NUBPL: variants seen among roughly 807,000 people sequenced by gnomAD.
NUBPL encodes the protein NUBP iron-sulfur cluster assembly factor, mitochondrial, also known as iron-sulfur cluster transfer protein NUBPL.
A neutral mutation model predicts 45.7 loss-of-function variants in NUBPL; 31 were observed. The observed-to-expected ratio is 0.68, with a 90% CI of 0.51 to 0.92. The LOEUF is 0.92. Ranked by LOEUF, NUBPL falls within the 40% of genes least tolerant of loss-of-function variation. The probability of loss-of-function intolerance (pLI) is 0.00; values close to 1 mark genes in which losing one functional copy is unlikely to be tolerated. For synonymous variants in NUBPL, 144 were observed against 140.9 expected (o/e 1.02, Z -0.15); for missense variants, 401 against 398.7 (o/e 1.01, Z -0.05).
intron 4 of NUBPL, among the ~76,000 whole-genome samples, chr14:31,636,316 G>T (rs1031934062): frequency 2.6e-5 from 4 of 151,814 alleles, no homozygotes; most frequent in African/African-American, 7.3e-5. Flanking sequence ...GTTGAATTTT[G>T]TCAAAGGCCT....
chr14:31,808,838 T>C (rs1332628883), intron 7 of NUBPL, among the ~76,000 whole-genome samples: 1 of 152,208 alleles, frequency 6.6e-6, no homozygotes, highest in African/African-American at 2.4e-5. Context: ...GGCTGTTGAA[T>C]TTTGTCAAAG....
At chr14:31,717,194 C>A (rs1566520403) in intron 6 of NUBPL, among the ~76,000 whole-genome samples, 1 of 152,130 alleles carries the variant, frequency 6.6e-6, no homozygotes, top group Non-Finnish European at 1.5e-5. Flanking sequence ...CTGTCTTAAG[C>A]AGTTTGATAT....
At chr14:31,826,815 G>T in intron 8 of NUBPL, 101 bp downstream of exon 8, 1 of 1,041,406 alleles carries the variant, frequency 9.6e-7, no homozygotes, top group Non-Finnish European at 1.5e-6. Context: ...GTCCTGTACA[G>T]AAGTCTTTAT....
At chr14:31,619,783 A>C (rs2035010434) in intron 4 of NUBPL, among the ~76,000 whole-genome samples, 1 of 151,712 alleles carries the variant, frequency 6.6e-6, no homozygotes, top group South Asian at 2.1e-4. Context: ...CTTTTCGAGG[A>C]GTGTGTTTTT....
intron 7 of NUBPL, among the ~76,000 whole-genome samples, chr14:31,816,242 T>G (rs1234085531): frequency 6.6e-6 from 1 of 152,216 alleles, no homozygotes; most frequent in African/African-American, 2.4e-5. Flanking sequence ...TTCAACTTTT[T>G]CCTGATTTAG....
At chr14:31,572,377 G>A (rs939941337) in intron 3 of NUBPL, among the ~76,000 whole-genome samples, 2 of 152,056 alleles carry the variant, frequency 1.3e-5, no homozygotes, top group African/African-American at 4.8e-5. Flanking sequence ...CTGACCTCAT[G>A]ATCCGCCTGC....
intron 6 of NUBPL, among the ~76,000 whole-genome samples, chr14:31,704,274 G>A (rs150583161): frequency 3.3e-5 from 5 of 152,192 alleles, no homozygotes; most frequent in East Asian, 1.9e-4. Flanking sequence ...ACATTCTAGG[G>A]GTCCCCTTTA....
chr14:31,829,015 G>A (rs1595686694), intron 8 of NUBPL, among the ~76,000 whole-genome samples: 1 of 152,328 alleles, frequency 6.6e-6, no homozygotes, highest in South Asian at 2.1e-4. Context: ...AAGGCTCATA[G>A]GACTACTTCA....
chr14:31,798,121 G>T (rs1272746639), intron 7 of NUBPL, among the ~76,000 whole-genome samples: 1 of 151,942 alleles, frequency 6.6e-6, no homozygotes, highest in Non-Finnish European at 1.5e-5. Context: ...GTCTGATGTT[G>T]TGCCCCCTTA....
intron 6 of NUBPL, among the ~76,000 whole-genome samples, chr14:31,710,489 C>G (rs895733007): frequency 4.6e-5 from 7 of 152,056 alleles, no homozygotes; most frequent in African/African-American, 9.7e-5. Flanking sequence ...ATTTAGTGAC[C>G]CTTACTGACG....
intron 4 of NUBPL, among the ~76,000 whole-genome samples, chr14:31,636,637 A>G (rs947073036): frequency 5.4e-4 from 82 of 152,200 alleles, no homozygotes; most frequent in Non-Finnish European, 2.5e-4. Flanking sequence ...CTCTTTTTCT[A>G]TTGATTGGAA....
chr14:31,696,961 T>C (rs1422142558), intron 6 of NUBPL, among the ~76,000 whole-genome samples: 3 of 152,172 alleles, frequency 2.0e-5, no homozygotes, highest in Non-Finnish European at 4.4e-5. Flanking sequence ...GGAAAGGAAG[T>C]AACAAGAAAG....
Position 31,724,122 on chromosome 14 carries a change from G to A in NUBPL, c.513+50548G>A, listed in dbSNP as rs78141030. ...TTTTGAGCTCTATATAACCTTATTT[G>A]AATTGTTTAATACATTTAATGCCAC... On this transcript the variant is annotated intron_variant, in intron 6 of 10. Transcript: ENST00000281081. 3.7e-3 allele frequency among the ~76,000 whole-genome samples: 567 copies of A among 152,236 alleles called. 4 individuals carry two copies. Among genetic ancestry groups the A allele is most frequent in the South Asian group, 0.013 (62 of 4,818 alleles).
At chr14:31,760,238 C>A (rs1180370229) in intron 6 of NUBPL, among the ~76,000 whole-genome samples, 1 of 150,906 alleles carries the variant, frequency 6.6e-6, no homozygotes, top group Admixed American at 6.6e-5. Flanking sequence ...TGGCTTACTG[C>A]AGCCATGACT....
intron 4 of NUBPL, among the ~76,000 whole-genome samples, chr14:31,618,523 C>T (rs1477877064): frequency 6.6e-6 from 1 of 152,150 alleles, no homozygotes; most frequent in Non-Finnish European, 1.5e-5. Context: ...TTTCTGCCTT[C>T]ATTTCATTAT....
At chr14:31,778,053 C>G (rs1357798582) in intron 6 of NUBPL, among the ~76,000 whole-genome samples, 1 of 152,296 alleles carries the variant, frequency 6.6e-6, no homozygotes, top group East Asian at 1.9e-4. Flanking sequence ...CATGAGTGGC[C>G]TCCAACTATA....
chr14:31,705,322 A>G (rs1217445307), intron 6 of NUBPL, among the ~76,000 whole-genome samples: 1 of 152,240 alleles, frequency 6.6e-6, no homozygotes, highest in East Asian at 1.9e-4. Context: ...GTGAAAGAAC[A>G]AAGCTTCCAC....
chr14:31,779,518 A>G (rs1447066265), intron 6 of NUBPL, among the ~76,000 whole-genome samples: 1 of 152,166 alleles, frequency 6.6e-6, no homozygotes, highest in Non-Finnish European at 1.5e-5. Flanking sequence ...ACAAGGGGTC[A>G]TAGTATCCTA....
intron 6 of NUBPL, among the ~76,000 whole-genome samples, chr14:31,703,772 A>G (rs567669546): frequency 1.3e-5 from 2 of 152,342 alleles, no homozygotes; most frequent in East Asian, 1.9e-4. Flanking sequence ...GAGCCAAGCC[A>G]TATCAATTTG....
Sources: allele counts gnomAD v4.1 joint callset (sites outside exome capture counted in the v4.1 genomes callset), GRCh38; gene constraint gnomAD v4.1.1; transcripts MANE v1.5; gene names NCBI Gene and HGNC (gene_info 2026-07-23, HGNC 2026-07-21).